The following TMEM8B variants were observed in gnomAD, a reference collection of about 807,000 sequenced individuals.
TMEM8B encodes transmembrane protein 8B.
TMEM8B carries 29 observed loss-of-function variants against 49.3 expected under a neutral mutation model. That is an observed-to-expected ratio of 0.59 (90% CI 0.44 to 0.80). The LOEUF is 0.80. TMEM8B is among the 30% of genes least tolerant of loss of function. The probability of loss-of-function intolerance (pLI) is 0.00; values close to 1 mark genes in which losing one functional copy is unlikely to be tolerated. For synonymous variants in TMEM8B, 264 were observed against 272.8 expected (o/e 0.97, Z 0.32); for missense variants, 575 against 658.5 (o/e 0.87, Z 1.39).
chr9:35,849,776 G>A (rs531966593), intron 10 of TMEM8B, among the ~76,000 whole-genome samples: 213 of 152,312 alleles, frequency 1.4e-3, no homozygotes, highest in Admixed American at 2.3e-3. Flanking sequence ...GATAAGAGCC[G>A]ATCAAGAGAT....
rs374093862 is a variant in TMEM8B, at chr9:35,853,803, C to A, written c.2738C>A (p.Pro913Gln). ...NEQEELGLVG[P>Q]GGATVSSICA... ...CAGGAGGAGCTGGGCCTCGTGGGCC[C>A]AGGAGGGGCCACTGTCAGCAGCATC... is the stretch of plus-strand genomic sequence containing the variant. The change falls in exon 13 of 13, where the codon CCA (proline) becomes CAA (glutamine). Residue 913 changes from proline to glutamine, a missense_variant. Pro to Gln is a moderately conservative substitution (Grantham distance 76). Coordinates refer to ENST00000643932, the MANE Select transcript of TMEM8B (RefSeq NM_001042590.4). This position sits in a 1 kb window ranked among gnomAD's most constrained non-coding sequence, Gnocchi z 4.2. The A allele has an allele frequency of 3.8e-6, 6 of 1,561,578 alleles. No homozygotes were observed. In the African/African-American group the frequency reaches 5.5e-5, roughly 14 times the overall value.
rs1211103668 is a variant in TMEM8B at position 35,864,456 on chromosome 9, A to T, written c.*10616A>T. Reference sequence around the variant, plus strand: ...TGGCTGTGTGGCAGAGAAGATGAGGATGGCCCTGGAGTCAGACGGGACTAG... The same window carrying T: ...TGGCTGTGTGGCAGAGAAGATGAGGTTGGCCCTGGAGTCAGACGGGACTAG... On this transcript the variant is annotated 3_prime_UTR_variant, in exon 13 of 13. Coordinates refer to ENST00000643932, the MANE Select transcript of TMEM8B (RefSeq NM_001042590.4). 1 of 152,212 alleles carries T rather than the reference A, an allele frequency of 6.6e-6. No homozygotes were observed. Among genetic ancestry groups the T allele is most frequent in the Non-Finnish European group, 1.5e-5 (1 of 68,038 alleles). The allele number at this position is 152,212 out of a possible 1,614,324, so 9.4% of individuals were successfully genotyped here. A position where few individuals can be genotyped will look rare whatever the true frequency, so the allele number is the denominator to read the frequency against.
chr9:35,842,505 G>T lies in TMEM8B; in HGVS notation c.1423G>T (p.Ala475Ser), dbSNP rs1310767542. 5 of 1,611,482 alleles carry T rather than the reference G, an allele frequency of 3.1e-6. No individual in the cohort carries two copies. The highest frequency in any genetic ancestry group is 4.2e-6 in the Non-Finnish European group (5 of 1,178,460). ...PPEPPSLGTPAEGPGTTSPPE... is the reference protein window; with the variant it reads ...PPEPPSLGTPSEGPGTTSPPE... ...AGAACCGCCATCCCTTGGAACCCCTGCGGAGGGGCCTGGGACCACGTCCCC... is the reference window on the plus strand; with the variant it reads ...AGAACCGCCATCCCTTGGAACCCCTTCGGAGGGGCCTGGGACCACGTCCCC... Residue 475 changes from alanine (A) to serine (S), a missense_variant, in exon 6 of 13, where the codon GCG (alanine) becomes TCG (serine). By Grantham distance (99) the Ala-to-Ser change is moderately conservative. Coordinates refer to ENST00000643932, the MANE Select transcript of TMEM8B (RefSeq NM_001042590.4). The surrounding 1 kb of genome is among the most constrained non-coding windows in gnomAD (Gnocchi z 5.6).
chr9:35,839,501 G>A (rs1313832654), intron 3 of TMEM8B, among the ~76,000 whole-genome samples: 1 of 152,212 alleles, frequency 6.6e-6, no homozygotes, highest in Non-Finnish European at 1.5e-5. Flanking sequence ...TGCATGAAGA[G>A]GGGGGACTGG....
chr9:35,830,033 G>T, intron 1 of TMEM8B, 78 bp downstream of exon 1: 1 of 411,156 alleles, frequency 2.4e-6, no homozygotes. Flanking sequence ...ATTCAGGAGA[G>T]GTGGGACCTG....
At chr9:35,846,778 C>T (rs756339109) in intron 9 of TMEM8B, 39 bp from the exon 10 acceptor site, 2 of 1,587,540 alleles carry the variant, frequency 1.3e-6, no homozygotes, top group Non-Finnish European at 8.6e-7. Flanking sequence ...CCATAGCTGC[C>T]GTCTGTTCTC....
intron 3 of TMEM8B, among the ~76,000 whole-genome samples, chr9:35,835,855 C>T (rs1830399296): frequency 6.6e-6 from 1 of 152,222 alleles, no homozygotes; most frequent in African/African-American, 2.4e-5. Flanking sequence ...GACTGAAGGG[C>T]AGGTTCAAAG....
chr9:35,844,711 C>G (rs1018542811), intron 6 of TMEM8B, among the ~76,000 whole-genome samples: 2 of 152,238 alleles, frequency 1.3e-5, no homozygotes, highest in Non-Finnish European at 2.9e-5. Flanking sequence ...GACAGCCTTA[C>G]GCATACTTGT....
At chr9:35,839,137 C>T (rs1830724348) in intron 3 of TMEM8B, among the ~76,000 whole-genome samples, 2 of 152,270 alleles carry the variant, frequency 1.3e-5, no homozygotes, top group South Asian at 4.1e-4. Flanking sequence ...GCAAGCCCCA[C>T]CCAGAGCCTG....
Position 35,838,265 on chromosome 9 carries a change from A to T in TMEM8B, c.907-2869A>T, listed in dbSNP as rs193200870. Among the ~76,000 whole-genome samples, 15 of 152,280 alleles carry T rather than the reference A, an allele frequency of 9.9e-5. No homozygotes were observed. In the East Asian group the frequency reaches 2.9e-3, roughly 29 times the overall value. On this transcript the variant is annotated intron_variant, in intron 3 of 12. Coordinates refer to ENST00000643932, the MANE Select transcript of TMEM8B (RefSeq NM_001042590.4). ...TTCCTCTTCCATTCTTCCAGTCTCC[A>T]ATTCCCCGCCCCAGAGTTAACTAGT...
At chr9:35,832,085 G>A (rs544090566) in intron 1 of TMEM8B, among the ~76,000 whole-genome samples, 1 of 151,778 alleles carries the variant, frequency 6.6e-6, no homozygotes. Flanking sequence ...CACGTGCCTT[G>A]CTATTCAAAA....
chr9:35,844,581 C>G (rs534488120), intron 6 of TMEM8B, among the ~76,000 whole-genome samples: 4 of 152,340 alleles, frequency 2.6e-5, no homozygotes, highest in African/African-American at 9.6e-5. Context: ...TTTACATAAT[C>G]AAATTCTCTC....
At chr9:35,847,254 C>A in intron 10 of TMEM8B, 2 of 1,058,366 alleles carry the variant, frequency 1.9e-6, no homozygotes, top group Non-Finnish European at 2.9e-6. Context: ...ACACTCTGTC[C>A]ACCCTGAGGG....
chr9:35,832,264 G>A (rs1829996389), intron 1 of TMEM8B, among the ~76,000 whole-genome samples: 2 of 151,786 alleles, frequency 1.3e-5, no homozygotes, highest in Non-Finnish European at 2.9e-5. Flanking sequence ...TAGAAATATT[G>A]GGGAACCTGG....
chr9:35,851,105 A>C (rs1054510139), intron 10 of TMEM8B, among the ~76,000 whole-genome samples: 1 of 152,160 alleles, frequency 6.6e-6, no homozygotes, highest in South Asian at 2.1e-4. Context: ...TTAATTACTT[A>C]ACCATTTTTA....
In TMEM8B at chr9:35,834,513, T is replaced by G; in HGVS notation, c.561T>G (p.Pro187=). Residue 187 remains proline (P), a synonymous_variant, in exon 2 of 13, where the codon CCT becomes CCG. Coordinates refer to ENST00000643932, the MANE Select transcript of TMEM8B (RefSeq NM_001042590.4). ...CCTGCTCACCCCGCAAGCTGAGTCC[T>G]TTCCGCTCCTTTGCCAGCACCGAGC... ...YSTCSPRKLS[P]FRSFASTELF... is the part of the protein sequence containing the mutation. 2 of 416,652 alleles carry G rather than the reference T, an allele frequency of 4.8e-6. No homozygotes were observed. The highest frequency in any genetic ancestry group is 8.8e-6 in the Non-Finnish European group (2 of 226,650). 25.8% of individuals were successfully genotyped at this position (416,652 alleles called of 1,614,324 possible).
intron 1 of TMEM8B, 149 bp from the exon 2 acceptor site, chr9:35,834,312 T>A: frequency 2.5e-6 from 1 of 397,586 alleles, no homozygotes. Flanking sequence ...ATGGCTAGGT[T>A]TCAGATCTGC....
intron 6 of TMEM8B, among the ~76,000 whole-genome samples, chr9:35,844,133 T>A (rs1220108822): frequency 6.6e-6 from 1 of 152,244 alleles, no homozygotes; most frequent in East Asian, 1.9e-4. Context: ...CTAGTTGTAA[T>A]CAAGGGGCAT....
chr9:35,842,267 C>T lies in TMEM8B; in HGVS notation c.1310-125C>T. The T allele has an allele frequency of 1.4e-6, 1 of 701,044 alleles. No individual in the cohort carries two copies. The highest frequency in any genetic ancestry group is 2.2e-6 in the Non-Finnish European group (1 of 447,078). The allele number at this position is 701,044 out of a possible 1,614,324, so 43.4% of individuals were successfully genotyped here. On this transcript the variant is annotated intron_variant, in intron 5 of 12. Transcript: ENST00000643932. The surrounding 1 kb of genome is among the most constrained non-coding windows in gnomAD (Gnocchi z 5.6). ...CTGGATGCCCCACACTCCCAAGGGA[C>T]ATCGCATTCTAGTTCTCATCCTTCC... is the stretch of plus-strand genomic sequence containing the variant.
Sources: gnomAD v4.1 joint callset for allele counts (sites outside exome capture counted in the v4.1 genomes callset) on GRCh38, gnomAD v4.1.1 for gene constraint, Gnocchi (gnomAD v3.1) non-coding constraint, MANE v1.5 for transcripts, NCBI Gene and HGNC (gene_info 2026-07-23, HGNC 2026-07-21) for gene names.